Variants in HIKESHI observed in about 807,000 individuals in gnomAD.
HIKESHI encodes the protein protein Hikeshi.
In HIKESHI, 13 loss-of-function variants were observed where a neutral mutation model predicts 25.7. The observed-to-expected ratio is 0.51, with a 90% CI of 0.33 to 0.80. The LOEUF (loss-of-function observed/expected upper bound fraction) is 0.80. Among genes scored for constraint, HIKESHI ranks in the 30% least tolerant of loss-of-function variants. HIKESHI has a pLI of 0.02. For missense variants in HIKESHI, 174 were observed against 229.5 expected (o/e 0.76, Z 1.56); for synonymous variants, 76 against 78.7 (o/e 0.97, Z 0.18).
At chr11:86,333,489 C>T (rs897712441) in intron 2 of HIKESHI, among the ~76,000 whole-genome samples, 1 of 151,476 alleles carries the variant, frequency 6.6e-6, no homozygotes, top group Non-Finnish European at 1.5e-5. Context: ...GAGCCAAGAT[C>T]GTCCTACCGC....
chr11:86,312,238 G>T (rs1230394386), intron 2 of HIKESHI, among the ~76,000 whole-genome samples: 1 of 152,124 alleles, frequency 6.6e-6, no homozygotes, highest in South Asian at 2.1e-4. Flanking sequence ...ATGAATCTGG[G>T]TGCCCCTGTA....
At chr11:86,329,701 T>C (rs2138380021) in intron 2 of HIKESHI, among the ~76,000 whole-genome samples, 1 of 152,192 alleles carries the variant, frequency 6.6e-6, no homozygotes, top group South Asian at 2.1e-4. Flanking sequence ...TTCCTCTGCT[T>C]TCTGAGTTTG....
At chr11:86,344,574 A>G (rs369926601) in intron 3 of HIKESHI, 29 bp from the exon 4 acceptor site, 2 of 1,265,898 alleles carry the variant, frequency 1.6e-6, no homozygotes, top group African/African-American at 1.5e-5. Flanking sequence ...TATTCAGTAT[A>G]ATCCATTAAT....
chr11:86,343,288 G>A (rs953677674), intron 3 of HIKESHI, among the ~76,000 whole-genome samples: 55 of 146,978 alleles, frequency 3.7e-4, no homozygotes, highest in African/African-American at 1.2e-3. Context: ...TATTGTCACT[G>A]GTGTGGAGGA....
At chr11:86,322,211 T>G (rs945464001) in intron 2 of HIKESHI, among the ~76,000 whole-genome samples, 2 of 152,098 alleles carry the variant, frequency 1.3e-5, no homozygotes, top group Admixed American at 1.3e-4. Flanking sequence ...GATCTCGAAC[T>G]CCTGACCTCA....
At chr11:86,317,555 A>T (rs1374063384) in intron 2 of HIKESHI, among the ~76,000 whole-genome samples, 1 of 152,156 alleles carries the variant, frequency 6.6e-6, no homozygotes, top group East Asian at 1.9e-4. Flanking sequence ...CTATAATCCC[A>T]TTGCTTTGGG....
intron 2 of HIKESHI, among the ~76,000 whole-genome samples, chr11:86,326,103 G>T (rs1422135962): frequency 1.3e-5 from 2 of 152,094 alleles, no homozygotes; most frequent in East Asian, 3.9e-4. Context: ...TTCAAGACCA[G>T]CCTGGCCAAC....
intron 2 of HIKESHI, among the ~76,000 whole-genome samples, chr11:86,309,331 A>AT (rs1946771623): frequency 6.6e-6 from 1 of 152,070 alleles, no homozygotes; most frequent in Non-Finnish European, 1.5e-5. Flanking sequence ...GATAATGGGC[A>AT]TTTTTTCACG....
At chr11:86,306,523 CT>C in intron 2 of HIKESHI, 41 bp downstream of exon 2, 4 of 1,263,644 alleles carry the variant, frequency 3.2e-6, no homozygotes, top group Non-Finnish European at 4.5e-6. Context: ...ATTAATCAAA[CT>C]TTTTTCTTAA....
intron 2 of HIKESHI, among the ~76,000 whole-genome samples, chr11:86,333,511 G>T (rs553379911): frequency 1.3e-5 from 2 of 151,506 alleles, no homozygotes; most frequent in South Asian, 4.2e-4. Flanking sequence ...CTCCAGCCTG[G>T]GCAACAGAGT....
At chr11:86,344,413 C>G in intron 3 of HIKESHI, 190 bp from the exon 4 acceptor site, 1 of 441,114 alleles carries the variant, frequency 2.3e-6, no homozygotes, top group East Asian at 3.4e-5. Flanking sequence ...AGTGATTCTC[C>G]TGCCTCAGCC....
intron 2 of HIKESHI, among the ~76,000 whole-genome samples, chr11:86,309,258 A>G (rs1946769073): frequency 6.6e-6 from 1 of 152,098 alleles, no homozygotes. Context: ...AATGATCACC[A>G]TTCTAACTGG....
At chr11:86,335,922 G>A (rs917159922) in intron 2 of HIKESHI, among the ~76,000 whole-genome samples, 6 of 152,124 alleles carry the variant, frequency 3.9e-5, no homozygotes, top group East Asian at 1.9e-4. Flanking sequence ...TTATACAGAG[G>A]AAACGAACAG....
At chr11:86,317,375 C>T (rs1234256863) in intron 2 of HIKESHI, among the ~76,000 whole-genome samples, 1 of 151,784 alleles carries the variant, frequency 6.6e-6, no homozygotes, top group Non-Finnish European at 1.5e-5. Flanking sequence ...AAGTATTTAA[C>T]ATAAGTATTC....
At chr11:86,333,702 T>G (rs1947477383) in intron 2 of HIKESHI, among the ~76,000 whole-genome samples, 2 of 152,174 alleles carry the variant, frequency 1.3e-5, no homozygotes, top group Admixed American at 1.3e-4. Context: ...CAAAATAGAC[T>G]GGATATGGTT....
Position 86,345,550 on chromosome 11 carries a change from T to A in HIKESHI, c.540-34T>A, listed in dbSNP as rs773772891. 3 of 1,276,594 alleles carry A rather than the reference T, an allele frequency of 2.3e-6. No individual in the cohort carries two copies. The East Asian group carries it at 7.3e-5, about 31-fold the overall frequency. The allele number at this position is 1,276,594 out of a possible 1,614,324, so 79.1% of individuals were successfully genotyped here. A position where few individuals can be genotyped will look rare whatever the true frequency, so the allele number is the denominator to read the frequency against. ...AATGAAAGATCCTATTTTAATTTTC[T>A]TGTGAATGTAAATATATGTGTTTTC... is the stretch of plus-strand genomic sequence containing the variant. On this transcript the variant is annotated intron_variant, in intron 4 of 4. Coordinates refer to ENST00000278483, the MANE Select transcript of HIKESHI (RefSeq NM_016401.4).
intron 1 of HIKESHI, 104 bp downstream of exon 1, chr11:86,302,582 T>C: frequency 7.3e-7 from 1 of 1,361,762 alleles, no homozygotes; most frequent in Non-Finnish European, 1.0e-6. Context: ...GAAGCCCACT[T>C]ATTATATTTT....
chr11:86,335,127 T>C (rs995517285), intron 2 of HIKESHI, among the ~76,000 whole-genome samples: 21 of 152,182 alleles, frequency 1.4e-4, no homozygotes, highest in African/African-American at 4.8e-4. Context: ...TTCCTGGTAC[T>C]GATATAGGGA....
chr11:86,323,764 T>C (rs546379351), intron 2 of HIKESHI, among the ~76,000 whole-genome samples: 1 of 152,332 alleles, frequency 6.6e-6, no homozygotes, highest in East Asian at 1.9e-4. Context: ...ATTTCCTTAT[T>C]GTATTATTTC....
Sources: allele counts gnomAD v4.1 joint callset (sites outside exome capture counted in the v4.1 genomes callset), GRCh38; gene constraint gnomAD v4.1.1; transcripts MANE v1.5; gene names NCBI Gene and HGNC (gene_info 2026-07-23, HGNC 2026-07-21).